The following MDGA2 variants were observed in gnomAD, a reference collection of about 807,000 sequenced individuals.
MDGA2 encodes the protein MAM domain containing glycosylphosphatidylinositol anchor 2.
MDGA2 carries 40 observed loss-of-function variants against 117.8 expected under a neutral mutation model. The ratio of observed to expected loss-of-function variants is 0.34; its 90% CI spans 0.26 to 0.44. MDGA2 has a LOEUF of 0.44. MDGA2 is among the 20% of genes least tolerant of loss of function. The pLI is 1.00. For synonymous variants in MDGA2, 452 were observed against 439.0 expected (o/e 1.03, Z -0.37); for missense variants, 1,123 against 1,250.6 (o/e 0.90, Z 1.54).
At chr14:46,853,010 G>C (rs1460310105) in intron 15 of MDGA2, among the ~76,000 whole-genome samples, 2 of 151,864 alleles carry the variant, frequency 1.3e-5, no homozygotes, top group Non-Finnish European at 2.9e-5. Flanking sequence ...ATCAACTGAA[G>C]CCAACCAAGA....
In MDGA2 at chr14:47,358,506, C is replaced by T. The variant is rs373915874; in HGVS notation, c.281-56956G>A. Among the ~76,000 whole-genome samples the T allele has an allele frequency of 2.8e-3, 432 of 152,170 alleles. 23 individuals carry two copies. The South Asian group carries it at 0.085, about 30-fold the overall frequency. ...AAAAAGAAACAAAGGGTATTCAAAT[C>T]GGAAAATAAGTAAAATTATCCCTAT... On this transcript the variant is annotated intron_variant, in intron 1 of 16. Coordinates refer to ENST00000399232, the MANE Select transcript of MDGA2 (RefSeq NM_001113498.3).
At chr14:47,147,577 G>C (rs1184503056) in intron 3 of MDGA2, among the ~76,000 whole-genome samples, 1 of 152,148 alleles carries the variant, frequency 6.6e-6, no homozygotes, top group Non-Finnish European at 1.5e-5. Context: ...GGGAGGGCCT[G>C]CTCTGTTTGG....
chr14:47,639,198 TATA>T (rs1897377701), intron 1 of MDGA2, among the ~76,000 whole-genome samples: 1 of 152,176 alleles, frequency 6.6e-6, no homozygotes, highest in Admixed American at 6.5e-5. Context: ...TGTGTATAGA[TATA>T]GATATAAATT....
At position 47,177,746 on chromosome 14, in the gene MDGA2, C is replaced by A. The variant is rs191493066; in HGVS notation, c.596-33472G>T. On this transcript the variant is annotated intron_variant, in intron 3 of 16. Coordinates refer to ENST00000399232, the MANE Select transcript of MDGA2 (RefSeq NM_001113498.3). The stretch of plus-strand genomic sequence containing the variant: ...AGCACACCAGCATGGCACACGTATA[C>A]ATATGTAACTAACTTGCACATTGTG... Among the ~76,000 whole-genome samples, 28 of 152,118 alleles carry A rather than the reference C, an allele frequency of 1.8e-4. 1 individual carries two copies. Among genetic ancestry groups the A allele is most frequent in the Admixed American group, 1.7e-3 (26 of 15,262 alleles).
intron 1 of MDGA2, among the ~76,000 whole-genome samples, chr14:47,320,105 C>G (rs535843068): frequency 6.6e-6 from 1 of 152,268 alleles, no homozygotes; most frequent in African/African-American, 2.4e-5. Flanking sequence ...AAGAAACCAA[C>G]CCTGTGGACA....
At chr14:47,108,733 T>C (rs1015111781) in intron 5 of MDGA2, among the ~76,000 whole-genome samples, 27 of 152,172 alleles carry the variant, frequency 1.8e-4, no homozygotes, top group African/African-American at 6.3e-4. Flanking sequence ...ACACAAAGTC[T>C]GTTTGGTGCT....
At chr14:47,575,803 A>C (rs1375579293) in intron 1 of MDGA2, among the ~76,000 whole-genome samples, 2 of 152,220 alleles carry the variant, frequency 1.3e-5, no homozygotes, top group Non-Finnish European at 2.9e-5. Context: ...AGACAATTTA[A>C]TATTGTGCTT....
chr14:47,165,060 C>A (rs770125897), intron 3 of MDGA2, among the ~76,000 whole-genome samples: 1 of 151,792 alleles, frequency 6.6e-6, no homozygotes, highest in Non-Finnish European at 1.5e-5. Flanking sequence ...ATGAGAACAC[C>A]TGGACACAGG....
intron 5 of MDGA2, among the ~76,000 whole-genome samples, chr14:47,102,837 T>C (rs912526140): frequency 1.3e-5 from 2 of 152,128 alleles, no homozygotes; most frequent in African/African-American, 4.8e-5. Flanking sequence ...GATCGAAGAA[T>C]AAATATGCAA....
At chr14:47,627,742 A>C (rs981866982) in intron 1 of MDGA2, among the ~76,000 whole-genome samples, 30 of 152,058 alleles carry the variant, frequency 2.0e-4, no homozygotes, top group Admixed American at 3.9e-4. Context: ...GTCCCCTTCC[A>C]CATTGTGGAA....
chr14:47,421,460 T>C (rs1041906794), intron 1 of MDGA2, among the ~76,000 whole-genome samples: 6 of 151,206 alleles, frequency 4.0e-5, no homozygotes, highest in African/African-American at 1.5e-4. Flanking sequence ...TTTCTGTAAC[T>C]TCCATCCTTT....
At chr14:47,203,031 T>C (rs1208104109) in intron 3 of MDGA2, among the ~76,000 whole-genome samples, 2 of 152,042 alleles carry the variant, frequency 1.3e-5, no homozygotes, top group Non-Finnish European at 1.5e-5. Flanking sequence ...GGATTTGTGT[T>C]TATGGTCTTA....
intron 10 of MDGA2, among the ~76,000 whole-genome samples, chr14:46,910,473 C>A (rs1883656582): frequency 6.6e-6 from 1 of 152,036 alleles, no homozygotes; most frequent in Non-Finnish European, 1.5e-5. Context: ...TTCCTATGGT[C>A]CTTCATGCCT....
intron 5 of MDGA2, among the ~76,000 whole-genome samples, chr14:47,119,144 G>A (rs1411549662): frequency 4.2e-5 from 5 of 119,458 alleles, no homozygotes; most frequent in African/African-American, 1.6e-4. Context: ...TCCGCCTCCT[G>A]GGTTCACGCC....
chr14:47,417,822 T>C (rs1210545366), intron 1 of MDGA2, among the ~76,000 whole-genome samples: 1 of 152,046 alleles, frequency 6.6e-6, no homozygotes, highest in Non-Finnish European at 1.5e-5. Context: ...CAAGCAATCC[T>C]CTCACCTCTG....
At chr14:47,031,463 ATATG>A (rs1888663704) in intron 8 of MDGA2, among the ~76,000 whole-genome samples, 1 of 152,150 alleles carries the variant, frequency 6.6e-6, no homozygotes, top group Admixed American at 6.5e-5. Flanking sequence ...TTATACATAA[ATATG>A]TGTGTGCTTG....
intron 4 of MDGA2, among the ~76,000 whole-genome samples, chr14:47,134,777 C>CTATATATATATATATATA (rs146851138): frequency 1.6e-4 from 23 of 145,910 alleles, no homozygotes; most frequent in East Asian, 1.2e-3. Context: ...CACACACACA[C>CTATATATATATATATATA]TATATATATA....
chr14:47,463,726 T>C (rs1893540186), intron 1 of MDGA2, among the ~76,000 whole-genome samples: 1 of 152,120 alleles, frequency 6.6e-6, no homozygotes. Flanking sequence ...TAGATAACAT[T>C]TTAAAATCAC....
intron 8 of MDGA2, among the ~76,000 whole-genome samples, chr14:47,006,542 C>A (rs1254374576): frequency 6.7e-6 from 1 of 150,358 alleles, no homozygotes; most frequent in Non-Finnish European, 1.5e-5. Context: ...AGCACCCAGT[C>A]AACTATTATA....
Sources: allele counts gnomAD v4.1 joint callset (sites outside exome capture counted in the v4.1 genomes callset), GRCh38; gene constraint gnomAD v4.1.1; transcripts MANE v1.5; gene names NCBI Gene and HGNC (gene_info 2026-07-23, HGNC 2026-07-21).